RYR2: variants seen among roughly 807,000 people sequenced by gnomAD.
RYR2 encodes cardiac muscle ryanodine receptor-calcium release channel.
Under a neutral mutation model 601.1 loss-of-function variants are expected in RYR2, and 227 were observed. That is an observed-to-expected ratio of 0.38 (90% confidence interval 0.34 to 0.42). RYR2 has a LOEUF of 0.42. Among genes scored for constraint, RYR2 ranks in the 10% least tolerant of loss-of-function variants. The pLI, the probability that RYR2 is intolerant of heterozygous loss-of-function variation, is 1.00. For synonymous variants in RYR2, 2,223 were observed against 2,175.1 expected, an observed-to-expected ratio of 1.02 and a Z score of -0.61; for missense variants, 4,646 against 6,156.5, an observed-to-expected ratio of 0.75 and a Z score of 8.21.
intron 101 of RYR2, 45 bp from the exon 102 acceptor site, chr1:237,828,336 T>A (rs1449366148): frequency 7.3e-7 from 1 of 1,371,108 alleles, no homozygotes; most frequent in Non-Finnish European, 1.0e-6. Context: ...AACTGAATTA[T>A]TCATTGCTTG....
intron 97 of RYR2, among the ~76,000 whole-genome samples, chr1:237,798,760 C>T (rs1389600599): frequency 7.0e-6 from 1 of 142,866 alleles, no homozygotes; most frequent in Admixed American, 7.0e-5. Context: ...GAGTTGAATG[C>T]ACCTGAATTT....
At chr1:237,579,718 A>G (rs1375879401) in intron 29 of RYR2, among the ~76,000 whole-genome samples, 1 of 152,164 alleles carries the variant, frequency 6.6e-6, no homozygotes, top group Non-Finnish European at 1.5e-5. Context: ...ATTAATTAAC[A>G]TGTCATATGC....
chr1:237,061,107 A>G (rs1356760281), intron 1 of RYR2, among the ~76,000 whole-genome samples: 1 of 152,236 alleles, frequency 6.6e-6, no homozygotes, highest in South Asian at 2.1e-4. Context: ...CTGACAACTC[A>G]TGATGGGGAA....
At chr1:237,744,812 T>TG (rs1343241881) in intron 80 of RYR2, among the ~76,000 whole-genome samples, 6 of 150,942 alleles carry the variant, frequency 4.0e-5, no homozygotes, top group South Asian at 2.1e-4. Context: ...TTTTTTTTTT[T>TG]TTTTTTGAGA....
chr1:237,111,693 T>A lies in RYR2; in HGVS notation c.48+69124T>A, dbSNP rs536757494. 1.3e-5 allele frequency among the ~76,000 whole-genome samples: 2 copies of A among 152,260 alleles called. 1 individual carries two copies. The highest frequency in any genetic ancestry group is 4.1e-4 in the South Asian group (2 of 4,828). Reference sequence around the variant, plus strand: ...CAAAAGAAAATATCCAGTGGAAATCTTTGCCATCTTTGGGATTCTCTTTAG... The same window carrying A: ...CAAAAGAAAATATCCAGTGGAAATCATTGCCATCTTTGGGATTCTCTTTAG... On this transcript the variant is annotated intron_variant, in intron 1 of 104. Coordinates refer to ENST00000366574, the MANE Select transcript of RYR2 (RefSeq NM_001035.3).
At chr1:237,493,491 C>T (rs763502346) in intron 19 of RYR2, among the ~76,000 whole-genome samples, 23 of 152,106 alleles carry the variant, frequency 1.5e-4, no homozygotes, top group Non-Finnish European at 3.1e-4. Context: ...CTCGCTCTGT[C>T]GCCCAGGCTG....
rs1281363173 is a variant in RYR2, at chr1:237,832,806, C to G, written c.*159C>G. 7.6e-6 allele frequency: 4 copies of G among 523,356 alleles called. No individual in the cohort carries two copies. The highest frequency in any genetic ancestry group is 1.4e-5 in the Non-Finnish European group (4 of 292,434). The allele number at this position is 523,356 out of a possible 1,614,324, so 32.4% of individuals were successfully genotyped here. A position where few individuals can be genotyped will look rare whatever the true frequency, so the allele number is the denominator to read the frequency against. Reference sequence around the variant, plus strand: ...CTCTGTTTCGGAAGAGCTGTTTCCTCCCCCCACCTTTTGTATTTACTTTGA... The same window carrying G: ...CTCTGTTTCGGAAGAGCTGTTTCCTGCCCCCACCTTTTGTATTTACTTTGA... On this transcript the variant is annotated 3_prime_UTR_variant, in exon 105 of 105. Coordinates refer to ENST00000366574, the MANE Select transcript of RYR2 (RefSeq NM_001035.3).
At chr1:237,399,291 A>C (rs538349506) in intron 10 of RYR2, among the ~76,000 whole-genome samples, 1 of 152,220 alleles carries the variant, frequency 6.6e-6, no homozygotes, top group East Asian at 1.9e-4. Flanking sequence ...CAAAGGTTGC[A>C]TACTGTGTGA....
chr1:237,784,927 C>T lies in RYR2; in HGVS notation c.13215C>T (p.Leu4405=). 6.2e-7 allele frequency: 1 copy of T among 1,607,022 alleles called. No individual in the cohort carries two copies. The highest frequency in any genetic ancestry group is 1.7e-5 in the Admixed American group (1 of 58,830). ...PHNPNAGLSD[L]MSNPVPMPEV... is the part of the protein sequence containing the mutation. The stretch of plus-strand genomic sequence containing the variant: ...ATCCAAATGCTGGGCTCAGTGACCT[C>T]ATGAGCAACCCAGTCCCCATGCCTG... Residue 4405 remains leucine (L), a synonymous_variant, in exon 90 of 105, where the codon CTC becomes CTT. Coordinates refer to ENST00000366574, the MANE Select transcript of RYR2 (RefSeq NM_001035.3). The surrounding 1 kb of genome is among the most constrained non-coding windows in gnomAD (Gnocchi z 7.1).
intron 79 of RYR2, among the ~76,000 whole-genome samples, chr1:237,734,966 C>A (rs1224743862): frequency 6.6e-6 from 1 of 151,966 alleles, no homozygotes; most frequent in African/African-American, 2.4e-5. Context: ...GAGGAGGAGG[C>A]CTAGGACCTA....
chr1:237,428,068 T>A (rs1706383003), intron 12 of RYR2, among the ~76,000 whole-genome samples: 1 of 152,112 alleles, frequency 6.6e-6, no homozygotes. Flanking sequence ...CTCATACCAG[T>A]CAAAATGGTG....
At chr1:237,378,158 G>T (rs1038576760) in intron 8 of RYR2, among the ~76,000 whole-genome samples, 3 of 152,106 alleles carry the variant, frequency 2.0e-5, no homozygotes, top group Non-Finnish European at 4.4e-5. Context: ...AAAACCATTA[G>T]ATCTCATGAG....
chr1:237,456,808 G>A (rs527873096), intron 16 of RYR2, 73 bp downstream of exon 16: 4 of 1,461,334 alleles, frequency 2.7e-6, no homozygotes, highest in African/African-American at 1.4e-5. Context: ...TAGGTGTGAT[G>A]GCTCATGCCT....
At position 237,106,683 on chromosome 1, in the gene RYR2, C is replaced by T. The variant is rs998898763; in HGVS notation, c.48+64114C>T. On this transcript the variant is annotated intron_variant, in intron 1 of 104. Transcript: ENST00000366574. This position sits in a 1 kb window ranked among gnomAD's most constrained non-coding sequence, Gnocchi z 4.4. ...TACAGTGTCCCTTTTTCAGACATGG[C>T]ACCTTCGTCCATTTGGGCTGCTATA... is the stretch of plus-strand genomic sequence containing the variant. 1.3e-5 allele frequency among the ~76,000 whole-genome samples: 2 copies of T among 152,176 alleles called. No homozygotes were observed. The highest frequency in any genetic ancestry group is 2.4e-5 in the African/African-American group (1 of 41,440).
chr1:237,765,985 G>C lies in RYR2; in HGVS notation c.11477-4822G>C, dbSNP rs1279711241. On this transcript the variant is annotated intron_variant, in intron 84 of 104. Transcript: ENST00000366574. ...TAGCGGCTGGGATGTTGCGGGGCTG[G>C]GGGAGACGTGTAGTCTGAATTAGGA... 2.6e-5 allele frequency among the ~76,000 whole-genome samples: 4 copies of C among 152,144 alleles called. No homozygotes were observed. In the East Asian group the frequency reaches 7.7e-4, roughly 29 times the overall value.
intron 63 of RYR2, among the ~76,000 whole-genome samples, chr1:237,689,815 A>G (rs1220672980): frequency 6.6e-6 from 1 of 151,504 alleles, no homozygotes; most frequent in Non-Finnish European, 1.5e-5. Flanking sequence ...CATCTAGTAC[A>G]GATTTGCCAA....
intron 27 of RYR2, among the ~76,000 whole-genome samples, chr1:237,553,526 A>G (rs1008555677): frequency 5.3e-5 from 8 of 151,974 alleles, no homozygotes; most frequent in Admixed American, 1.3e-4. Flanking sequence ...CATATTTTAT[A>G]AAGGTTTTTT....
At chr1:237,818,103 T>C (rs1286926792) in intron 100 of RYR2, among the ~76,000 whole-genome samples, 1 of 152,136 alleles carries the variant, frequency 6.6e-6, no homozygotes, top group Non-Finnish European at 1.5e-5. Context: ...TGAGTGTGGC[T>C]AAATTCAAGG....
At chr1:237,144,468 C>T (rs1207942500) in intron 1 of RYR2, among the ~76,000 whole-genome samples, 3 of 152,188 alleles carry the variant, frequency 2.0e-5, no homozygotes, top group African/African-American at 7.2e-5. Context: ...ACACTATCTT[C>T]TTTGGATGTT....
Sources: gnomAD v4.1 joint callset for allele counts (sites outside exome capture counted in the v4.1 genomes callset) on GRCh38, gnomAD v4.1.1 for gene constraint, Gnocchi (gnomAD v3.1) non-coding constraint, MANE v1.5 for transcripts, NCBI Gene and HGNC (gene_info 2026-07-23, HGNC 2026-07-21) for gene names.